Variants in DIAPH3 observed in about 807,000 individuals in gnomAD.
DIAPH3 encodes the protein protein diaphanous homolog 3.
A neutral mutation model predicts 144.3 loss-of-function variants in DIAPH3; 117 were observed. The observed-to-expected ratio is 0.81, with a 90% CI of 0.70 to 0.95. The LOEUF is 0.95. DIAPH3 is among the 40% of genes least tolerant of loss of function. DIAPH3 has a pLI of 0.00. For missense variants in DIAPH3, 1,421 were observed against 1,412.7 expected (o/e 1.01, Z -0.09); for synonymous variants, 519 against 488.9 (o/e 1.06, Z -0.81).
At chr13:60,009,476 GA>G (rs754928788) in intron 8 of DIAPH3, among the ~76,000 whole-genome samples, 5 of 152,080 alleles carry the variant, frequency 3.3e-5, no homozygotes, top group Non-Finnish European at 4.4e-5. Context: ...AATGATGGGG[GA>G]AAGGGGAAAG....
chr13:59,714,554 T>C (rs889568831), intron 27 of DIAPH3, among the ~76,000 whole-genome samples: 5 of 152,114 alleles, frequency 3.3e-5, no homozygotes, highest in Non-Finnish European at 7.4e-5. Flanking sequence ...TAAGTTTTAA[T>C]GATCAGAAAA....
intron 17 of DIAPH3, among the ~76,000 whole-genome samples, chr13:59,933,244 T>C (rs1594040553): frequency 6.6e-6 from 1 of 152,212 alleles, no homozygotes; most frequent in East Asian, 1.9e-4. Context: ...AGGTTCTACA[T>C]CCCAGCCTGC....
At chr13:59,930,907 T>C (rs2047989243) in intron 17 of DIAPH3, among the ~76,000 whole-genome samples, 1 of 152,152 alleles carries the variant, frequency 6.6e-6, no homozygotes, top group Non-Finnish European at 1.5e-5. Context: ...AAGTTGATTC[T>C]GTAGTGGGAA....
Position 59,832,643 on chromosome 13 carries a change from A to T in DIAPH3, c.3027+464T>A, listed in dbSNP as rs573610206. On this transcript the variant is annotated intron_variant, in intron 24 of 27. Transcript: ENST00000400324. ...AAAGACCTGACCTCCCTATTAAAGT[A>T]TCCTAAAGGAAACCCTACGAATGTA... Among the ~76,000 whole-genome samples, 28 of 151,940 alleles carry T rather than the reference A, an allele frequency of 1.8e-4. No individual in the cohort carries two copies. The South Asian group carries it at 5.6e-3, about 30-fold the overall frequency.
At chr13:59,871,202 G>A (rs1388369930) in intron 21 of DIAPH3, among the ~76,000 whole-genome samples, 2 of 144,866 alleles carry the variant, frequency 1.4e-5, no homozygotes, top group African/African-American at 5.0e-5. Context: ...TTTTGGGGGG[G>A]GGGGTGGCGG....
At chr13:59,818,586 A>T (rs2040904576) in intron 24 of DIAPH3, among the ~76,000 whole-genome samples, 1 of 151,498 alleles carries the variant, frequency 6.6e-6, no homozygotes, top group African/African-American at 2.4e-5. Context: ...TATTCTATGG[A>T]TTGCTGATCT....
chr13:59,772,897 T>C (rs770751389), intron 27 of DIAPH3, among the ~76,000 whole-genome samples: 3 of 152,112 alleles, frequency 2.0e-5, no homozygotes, highest in Non-Finnish European at 2.9e-5. Flanking sequence ...AACCATATTC[T>C]TGTCACAGCT....
chr13:60,033,280 G>A (rs374903907), intron 5 of DIAPH3, among the ~76,000 whole-genome samples: 7 of 152,056 alleles, frequency 4.6e-5, no homozygotes, highest in East Asian at 1.9e-4. Context: ...CCATCACCCA[G>A]TACCAAAGTT....
chr13:60,053,625 G>T (rs1199970940), intron 4 of DIAPH3, among the ~76,000 whole-genome samples: 1 of 151,902 alleles, frequency 6.6e-6, no homozygotes, highest in Non-Finnish European at 1.5e-5. Context: ...GTCTTGAAAA[G>T]ATTACTTTGC....
At chr13:60,157,089 C>A (rs886872614) in intron 1 of DIAPH3, among the ~76,000 whole-genome samples, 4 of 151,284 alleles carry the variant, frequency 2.6e-5, no homozygotes, top group African/African-American at 9.7e-5. Flanking sequence ...GGATTACAGG[C>A]GCCCACTGCC....
At chr13:59,808,887 A>G (rs1001686134) in intron 25 of DIAPH3, among the ~76,000 whole-genome samples, 3 of 152,202 alleles carry the variant, frequency 2.0e-5, no homozygotes, top group African/African-American at 7.2e-5. Flanking sequence ...GATTTTTTGG[A>G]TAGGAAGATT....
chr13:60,087,728 C>T (rs559478212), intron 4 of DIAPH3, among the ~76,000 whole-genome samples: 41 of 151,252 alleles, frequency 2.7e-4, no homozygotes, highest in African/African-American at 1.0e-3. Context: ...AAAGAAGGAG[C>T]TAGCAAACTT....
intron 3 of DIAPH3, among the ~76,000 whole-genome samples, chr13:60,097,142 G>A (rs556278654): frequency 2.4e-4 from 36 of 152,126 alleles, no homozygotes; most frequent in Non-Finnish European, 4.3e-4. Flanking sequence ...TCGCCTTCCT[G>A]ACAAAAGTAT....
chr13:59,984,836 T>C (rs1566614184), intron 12 of DIAPH3, among the ~76,000 whole-genome samples: 2 of 123,588 alleles, frequency 1.6e-5, no homozygotes, highest in Non-Finnish European at 3.4e-5. Flanking sequence ...ATCAATAGTT[T>C]ACCAACCAAA....
chr13:59,837,828 T>A (rs1407781467), intron 23 of DIAPH3: 2 of 147,824 alleles, frequency 1.4e-5, no homozygotes, highest in Admixed American at 6.7e-5. Context: ...TCCTCCCTAA[T>A]GAAATAAGAA....
intron 22 of DIAPH3, among the ~76,000 whole-genome samples, chr13:59,860,127 G>A (rs1222578762): frequency 6.6e-6 from 1 of 151,992 alleles, no homozygotes; most frequent in Non-Finnish European, 1.5e-5. Flanking sequence ...ATGCTTCTTT[G>A]TCAATAAAGT....
intron 3 of DIAPH3, among the ~76,000 whole-genome samples, chr13:60,108,454 C>T (rs1465220059): frequency 1.3e-5 from 2 of 151,786 alleles, no homozygotes; most frequent in African/African-American, 2.4e-5. Flanking sequence ...ACCAAAAATA[C>T]AAAAATTAGC....
At chr13:59,898,523 GA>G (rs953519975) in intron 20 of DIAPH3, among the ~76,000 whole-genome samples, 41 of 152,246 alleles carry the variant, frequency 2.7e-4, no homozygotes, top group African/African-American at 7.7e-4. Context: ...AATAAGCCAA[GA>G]GCTAAATGAT....
At chr13:59,756,537 G>A (rs1418625607) in intron 27 of DIAPH3, among the ~76,000 whole-genome samples, 1 of 148,742 alleles carries the variant, frequency 6.7e-6, no homozygotes, top group Non-Finnish European at 1.5e-5. Flanking sequence ...AGGGAGGGAG[G>A]GAGGGAGGGA....
Sources: allele counts gnomAD v4.1 joint callset (sites outside exome capture counted in the v4.1 genomes callset), GRCh38; gene constraint gnomAD v4.1.1; transcripts MANE v1.5; gene names NCBI Gene and HGNC (gene_info 2026-07-23, HGNC 2026-07-21).